Variants in TRMT44 observed in about 807,000 individuals in gnomAD.
TRMT44 encodes probable tRNA (uracil-O(2)-)-methyltransferase.
Under a neutral mutation model 77.3 loss-of-function variants are expected in TRMT44, and 78 were observed. The observed-to-expected ratio is 1.01, with a 90% CI of 0.84 to 1.22. The LOEUF (loss-of-function observed/expected upper bound fraction) is 1.22, where lower values mean the gene tolerates loss of function less well. Ranked by LOEUF, TRMT44 falls within the 50% of genes most tolerant of loss-of-function variation. TRMT44 has a pLI of 0.00. For synonymous variants in TRMT44, 391 were observed against 383.3 expected, an observed-to-expected ratio of 1.02 and a Z score of -0.23; for missense variants, 1,090 against 964.4, an observed-to-expected ratio of 1.13 and a Z score of -1.73.
intron 8 of TRMT44, 61 bp downstream of exon 8, chr4:8,465,622 G>A: frequency 1.4e-6 from 2 of 1,446,346 alleles, no homozygotes; most frequent in Non-Finnish European, 1.9e-6. Flanking sequence ...AGAGCTCAGG[G>A]CTCTGCCACA....
chr4:8,456,467 T>C (rs903701277), intron 6 of TRMT44, among the ~76,000 whole-genome samples: 54 of 151,940 alleles, frequency 3.6e-4, no homozygotes, highest in African/African-American at 1.3e-3. Flanking sequence ...CCTTGATATG[T>C]CTTATAGATT....
In TRMT44 at chr4:8,492,833, C is replaced by T. The variant is rs546200437; in HGVS notation, n.3892-433C>T. Among the ~76,000 whole-genome samples the T allele has an allele frequency of 2.0e-5, 3 of 152,304 alleles. 1 individual carries two copies. The highest frequency in any genetic ancestry group is 6.5e-5 in the Admixed American group (1 of 15,308). On this transcript the variant is annotated intron_variant and non_coding_transcript_variant, in intron 2 of 2. Coordinates refer to the TRMT44 transcript ENST00000511366. ...TGACCCAGAAGTCCCCTCCCTGCTT[C>T]GAGTTGTCCCACCTTTCTGGATGGA...
Position 8,452,925 on chromosome 4 carries a change from G to A in TRMT44, c.1067G>A (p.Arg356Lys), listed in dbSNP as rs952750721. Residue 356 changes from arginine (R) to lysine (K), a missense_variant, in exon 5 of 11, where the codon AGG (arginine) becomes AAG (lysine). Transcript: ENST00000389737. The surrounding 1 kb of genome is among the most constrained non-coding windows in gnomAD (Gnocchi z 5.7). ...AGGGCTGAGAGGAGACTAACTGCCA[G>A]GCAGTCCTTTGTGGACCTGGGATGT... ...EERAERRLTA[R>K]QSFVDLGCGN... 6.5e-7 allele frequency: 1 copy of A among 1,533,766 alleles called. No homozygotes were observed. Among genetic ancestry groups the A allele is most frequent in the Non-Finnish European group, 8.7e-7 (1 of 1,145,876 alleles).
At chr4:8,509,564 G>A in the TRMT44 span, 1 of 152,822 alleles carries the variant, frequency 6.5e-6, no homozygotes, top group Middle Eastern at 3.1e-3. Flanking sequence ...CAGTGGCCCT[G>A]AAGGGGCCTG....
At position 8,451,679 on chromosome 4, in the gene TRMT44, A is replaced by G. The variant is rs1725461303; in HGVS notation, c.955-281A>G. Among the ~76,000 whole-genome samples, 1 of 152,162 alleles carries G rather than the reference A, an allele frequency of 6.6e-6. No homozygotes were observed. Among genetic ancestry groups the G allele is most frequent in the African/African-American group, 2.4e-5 (1 of 41,438 alleles). ...ATAGACAATGAGCACAGTGTAGCTAAGTGTTTCCTCTGTGTCCACTGCCTC... is the reference window on the plus strand; with the variant it reads ...ATAGACAATGAGCACAGTGTAGCTAGGTGTTTCCTCTGTGTCCACTGCCTC... On this transcript the variant is annotated intron_variant, in intron 3 of 10. Transcript: ENST00000389737. The surrounding 1 kb of genome is among the most constrained non-coding windows in gnomAD (Gnocchi z 4.1).
chr4:8,492,023 CT>C (rs1289766066), intron 2 of TRMT44, among the ~76,000 whole-genome samples: 1 of 152,226 alleles, frequency 6.6e-6, no homozygotes, highest in African/African-American at 2.4e-5. Flanking sequence ...TAAACTCTTT[CT>C]CTACAAAAAT....
chr4:8,456,348 C>T (rs1229081355), intron 6 of TRMT44, among the ~76,000 whole-genome samples: 1 of 152,196 alleles, frequency 6.6e-6, no homozygotes, highest in African/African-American at 2.4e-5. Flanking sequence ...TGGTGCAATA[C>T]TGTAAACCTC....
chr4:8,498,900 G>A, the TRMT44 span, among the ~76,000 whole-genome samples: 1 of 152,160 alleles, frequency 6.6e-6, no homozygotes, highest in Non-Finnish European at 1.5e-5. The surrounding 1 kb of genome is among the most constrained non-coding windows in gnomAD (Gnocchi z 4.3). Flanking sequence ...TATTTGTCGG[G>A]GACTGGTGGT....
downstream of TRMT44, among the ~76,000 whole-genome samples, chr4:8,495,548 C>T (rs62287434): frequency 6.6e-6 from 1 of 152,170 alleles, no homozygotes; most frequent in African/African-American, 2.4e-5. Flanking sequence ...CAACTAAATA[C>T]AAAATATTAA....
Position 8,451,960 on chromosome 4 carries a change from G to A in TRMT44, c.955G>A (p.Val319Met), listed in dbSNP as rs1008254314. 82 of 1,536,596 alleles carry A rather than the reference G, an allele frequency of 5.3e-5. No homozygotes were observed. Among genetic ancestry groups the A allele is most frequent in the Non-Finnish European group, 6.5e-5 (75 of 1,147,020 alleles). The change falls in exon 4 of 11, where the codon GTG (valine) becomes ATG (methionine). Residue 319 changes from valine (V) to methionine (M), a missense_variant and splice_region_variant. Transcript: ENST00000389737. The surrounding 1 kb of genome is among the most constrained non-coding windows in gnomAD (Gnocchi z 4.1). The part of the protein sequence containing the change: ...LKEKYKEMVK[V>M]WPEVTDPEKF... ...ATGTTTGCTCTTGAAACTGTTTTAG[G>A]TGTGGCCTGAAGTCACTGATCCTGA...
At position 8,461,703 on chromosome 4, in the gene TRMT44, AC is replaced by A. The variant is rs1448321740; in HGVS notation, c.1204-2280del. ...CAAGTGTGTAGGTTTTTTCCTTGTT[AC>A]CTCCCAACCTTCAGTCTCGGTGCTA... On this transcript the variant is annotated intron_variant, in intron 6 of 10. Coordinates refer to ENST00000389737, the MANE Select transcript of TRMT44 (RefSeq NM_152544.3). The surrounding 1 kb of genome is among the most constrained non-coding windows in gnomAD (Gnocchi z 4.6). Among the ~76,000 whole-genome samples the A allele has an allele frequency of 2.0e-5, 3 of 150,280 alleles. No individual in the cohort carries two copies. In the East Asian group the frequency reaches 5.9e-4, roughly 30 times the overall value.
Position 8,449,949 on chromosome 4 carries a change from C to CTTTTTTTTTT in TRMT44, c.954+77_954+86dup, listed in dbSNP as rs745915221. On this transcript the variant is annotated intron_variant, in intron 3 of 10. Transcript: ENST00000389737. ...TCATGATTTTCTTTTCTTTTCTTTT[C>CTTTTTTTTTT]TTTTTTTTTTTTTTTTTTTTTTTTT... 1.5e-3 allele frequency: 361 copies of CTTTTTTTTTT among 238,910 alleles called. 1 individual carries two copies. Among genetic ancestry groups the CTTTTTTTTTT allele is most frequent in the South Asian group, 3.0e-3 (50 of 16,696 alleles). 14.8% of individuals were successfully genotyped at this position (238,910 alleles called of 1,614,324 possible). A position where few individuals can be genotyped will look rare whatever the true frequency, so the allele number is the denominator to read the frequency against.
At chr4:8,489,889 A>G (rs1312590016) in intron 2 of TRMT44, among the ~76,000 whole-genome samples, 2 of 152,340 alleles carry the variant, frequency 1.3e-5, no homozygotes, top group Admixed American at 6.5e-5. Context: ...AGGCACAGAC[A>G]TGAATGATTG....
At chr4:8,453,568 A>G (rs1364242772) in intron 5 of TRMT44, 1 of 152,370 alleles carries the variant, frequency 6.6e-6, no homozygotes, top group Non-Finnish European at 1.5e-5. Flanking sequence ...GGTGTGTGGT[A>G]CTGGGTTTTG....
At chr4:8,485,044 G>C (rs1489011893) in intron 2 of TRMT44, among the ~76,000 whole-genome samples, 2 of 152,160 alleles carry the variant, frequency 1.3e-5, no homozygotes, top group Non-Finnish European at 2.9e-5. Context: ...CTACAAAGAA[G>C]GTCATCAATA....
chr4:8,467,791 C>A, intron 8 of TRMT44, 123 bp from the exon 9 acceptor site: 1 of 1,135,754 alleles, frequency 8.8e-7, no homozygotes, highest in Non-Finnish European at 1.2e-6. Context: ...TTTTTTAAAT[C>A]AGGATTTTTT....
chr4:8,488,322 A>G (rs1727881538), intron 2 of TRMT44, among the ~76,000 whole-genome samples: 1 of 152,148 alleles, frequency 6.6e-6, no homozygotes, highest in Non-Finnish European at 1.5e-5. Context: ...ATGGCTGTTT[A>G]TTTCACCTGG....
At chr4:8,513,132 C>T in the TRMT44 span, among the ~76,000 whole-genome samples, 54,401 of 152,018 alleles carry the variant, frequency 0.36, 10,848 homozygotes, top group East Asian at 0.5. Context: ...AGGCTGGTCT[C>T]GAACTCCTGA....
intron 6 of TRMT44, among the ~76,000 whole-genome samples, chr4:8,455,335 A>G (rs1725736791): frequency 6.6e-6 from 1 of 152,208 alleles, no homozygotes; most frequent in Non-Finnish European, 1.5e-5. Flanking sequence ...GGCCTCTGAG[A>G]AGGCTTCTTG....
Sources: allele counts gnomAD v4.1 joint callset (sites outside exome capture counted in the v4.1 genomes callset), GRCh38; gene constraint gnomAD v4.1.1; non-coding constraint Gnocchi (gnomAD v3.1); transcripts MANE v1.5; gene names NCBI Gene and HGNC (gene_info 2026-07-23, HGNC 2026-07-21).